Variants in ATP10A observed in about 807,000 individuals in gnomAD.
ATP10A encodes the protein ATPase phospholipid transporting 10A (putative), also known as phospholipid-transporting ATPase VA.
In ATP10A, 111 loss-of-function variants were observed where a neutral mutation model predicts 147.8. The ratio of observed to expected loss-of-function variants is 0.75; its 90% CI spans 0.64 to 0.88. The LOEUF (loss-of-function observed/expected upper bound fraction) is 0.88. Among genes scored for constraint, ATP10A ranks in the 40% least tolerant of loss-of-function variants. The probability of loss-of-function intolerance (pLI) is 0.00; values close to 1 mark genes in which losing one functional copy is unlikely to be tolerated. For missense variants in ATP10A, 1,927 were observed against 1,959.0 expected, an observed-to-expected ratio of 0.98 and a Z score of 0.31; for synonymous variants, 875 against 841.6, an observed-to-expected ratio of 1.04 and a Z score of -0.69.
chr15:25,771,194 C>T (rs1404088967), intron 2 of ATP10A, among the ~76,000 whole-genome samples: 2 of 152,054 alleles, frequency 1.3e-5, no homozygotes, highest in African/African-American at 4.8e-5. Flanking sequence ...CTGAGGTTAA[C>T]AGGGGTGCAG....
intron 1 of ATP10A, among the ~76,000 whole-genome samples, chr15:25,826,011 G>A (rs1892097598): frequency 6.6e-6 from 1 of 152,108 alleles, no homozygotes; most frequent in Admixed American, 6.5e-5. Context: ...ACAAATTCTG[G>A]AGTTGAAAAG....
At chr15:25,681,097 G>A in intron 17 of ATP10A, 23 bp from the exon 18 acceptor site, 8 of 1,605,820 alleles carry the variant, frequency 5.0e-6, no homozygotes, top group Non-Finnish European at 5.1e-6. Flanking sequence ...AACAATCAGT[G>A]ATGTTACAGT....
At chr15:25,675,986 G>A (rs951561575), downstream of ATP10A, among the ~76,000 whole-genome samples, 10 of 152,076 alleles carry the variant, frequency 6.6e-5, no homozygotes, top group African/African-American at 2.4e-4. Flanking sequence ...AGGGAGAGGA[G>A]GAGGGGAAAG....
intron 2 of ATP10A, 88 bp downstream of exon 2, chr15:25,780,931 A>G: frequency 7.2e-7 from 1 of 1,396,520 alleles, no homozygotes; most frequent in Non-Finnish European, 9.9e-7. Flanking sequence ...AGACAGGAAA[A>G]TGCAGGTGCT....
chr15:25,833,979 ACG>A (rs1411795716), intron 1 of ATP10A, among the ~76,000 whole-genome samples: 223 of 151,672 alleles, frequency 1.5e-3, no homozygotes, highest in African/African-American at 5.0e-3. Flanking sequence ...CTCAAAAAAA[ACG>A]AACAAACAAA....
At chr15:25,792,133 A>T (rs1289272190) in intron 1 of ATP10A, among the ~76,000 whole-genome samples, 1 of 152,126 alleles carries the variant, frequency 6.6e-6, no homozygotes, top group Non-Finnish European at 1.5e-5. Flanking sequence ...TTCCCACTGA[A>T]CCTACATACC....
intron 1 of ATP10A, among the ~76,000 whole-genome samples, chr15:25,796,867 T>A (rs1311821451): frequency 2.0e-5 from 3 of 152,256 alleles, no homozygotes; most frequent in Admixed American, 1.3e-4. Context: ...ATTTAAATTT[T>A]AATTGCCAAA....
intron 2 of ATP10A, among the ~76,000 whole-genome samples, chr15:25,745,472 A>C (rs1202897539): frequency 1.3e-5 from 2 of 152,246 alleles, no homozygotes; most frequent in East Asian, 3.9e-4. Flanking sequence ...CTGTAATCCA[A>C]GCACTTCGGG....
chr15:25,711,318 T>C (rs2140380703), intron 10 of ATP10A, among the ~76,000 whole-genome samples: 1 of 152,068 alleles, frequency 6.6e-6, no homozygotes, highest in Admixed American at 6.5e-5. Context: ...TACACACAGG[T>C]AGTAAGTTGA....
chr15:25,797,867 G>C (rs987453136), intron 1 of ATP10A, among the ~76,000 whole-genome samples: 1 of 152,146 alleles, frequency 6.6e-6, no homozygotes. Flanking sequence ...ACCCTGGGCT[G>C]GCTCCTCGTC....
chr15:25,832,811 G>T (rs1196827803), intron 1 of ATP10A, among the ~76,000 whole-genome samples: 1 of 152,090 alleles, frequency 6.6e-6, no homozygotes, highest in Non-Finnish European at 1.5e-5. Flanking sequence ...ATAGCTAGAA[G>T]AGAGGATTTT....
At chr15:25,857,537 A>G (rs1893571010) in intron 1 of ATP10A, among the ~76,000 whole-genome samples, 1 of 152,210 alleles carries the variant, frequency 6.6e-6, no homozygotes, top group African/African-American at 2.4e-5. Context: ...ATACTGACAC[A>G]TTTACAGGTG....
intron 1 of ATP10A, among the ~76,000 whole-genome samples, chr15:25,815,765 TATTTGTTAGCC>T (rs1200419110): frequency 6.6e-5 from 10 of 152,224 alleles, no homozygotes; most frequent in African/African-American, 2.4e-4. Context: ...AGACTGTTTC[TATTTGTTAGCC>T]ATTTTAGGAG....
In ATP10A at chr15:25,832,422, C is replaced by T. The variant is rs149096251; in HGVS notation, c.449+30226G>A. Among the ~76,000 whole-genome samples, 63 of 152,278 alleles carry T rather than the reference C, an allele frequency of 4.1e-4. 1 individual carries two copies. In the East Asian group the frequency reaches 0.012, roughly 29 times the overall value. ...CAAAGGCAGCTGCCTGTGAGTGTGC[C>T]GGGCAAGGCAAAGTCATCACAAAGA... is the stretch of plus-strand genomic sequence containing the variant. On this transcript the variant is annotated intron_variant, in intron 1 of 20. Coordinates refer to ENST00000555815, the MANE Select transcript of ATP10A (RefSeq NM_024490.4).
intron 7 of ATP10A, 85 bp from the exon 8 acceptor site, chr15:25,718,484 G>T (rs1038075320): frequency 7.1e-7 from 1 of 1,412,320 alleles, no homozygotes; most frequent in Non-Finnish European, 9.6e-7. Flanking sequence ...TTTAGGTTCC[G>T]CGAGGCTTCC....
rs544987423 is a variant in ATP10A at position 25,824,339 on chromosome 15, T to C, written c.449+38309A>G. On this transcript the variant is annotated intron_variant, in intron 1 of 20. Transcript: ENST00000555815. Reference sequence around the variant, plus strand: ...AAATACAAAGAAATGCTGGGTGTGATGGTGTACACTTGTGGTCCCAGCTTC... The same window carrying C: ...AAATACAAAGAAATGCTGGGTGTGACGGTGTACACTTGTGGTCCCAGCTTC... Among the ~76,000 whole-genome samples the C allele has an allele frequency of 2.0e-5, 3 of 151,850 alleles. No individual in the cohort carries two copies. In the South Asian group the frequency reaches 6.2e-4, roughly 32 times the overall value.
intron 10 of ATP10A, among the ~76,000 whole-genome samples, chr15:25,711,863 G>A (rs1041269536): frequency 6.6e-6 from 1 of 152,186 alleles, no homozygotes; most frequent in Non-Finnish European, 1.5e-5. Flanking sequence ...CCGACTGTGA[G>A]TTTGATTTTG....
At chr15:25,769,795 T>C (rs542026365) in intron 2 of ATP10A, among the ~76,000 whole-genome samples, 1 of 152,288 alleles carries the variant, frequency 6.6e-6, no homozygotes, top group East Asian at 1.9e-4. Context: ...GAATTCTACC[T>C]TCCCCAGATT....
rs145917838 is a variant in ATP10A at position 25,839,887 on chromosome 15, G to A, written c.449+22761C>T. On this transcript the variant is annotated intron_variant, in intron 1 of 20. Coordinates refer to ENST00000555815, the MANE Select transcript of ATP10A (RefSeq NM_024490.4). ...AATTGGCATTGGTACAGCCGACAAA[G>A]CTTATTCAGATTTCTCTAGCTTTAA... Among the ~76,000 whole-genome samples, 360 of 152,276 alleles carry A rather than the reference G, an allele frequency of 2.4e-3. 3 individuals are homozygous for A. The highest frequency in any genetic ancestry group is 8.2e-3 in the African/African-American group (341 of 41,572).
Sources: allele counts gnomAD v4.1 joint callset (sites outside exome capture counted in the v4.1 genomes callset), GRCh38; gene constraint gnomAD v4.1.1; transcripts MANE v1.5; gene names NCBI Gene and HGNC (gene_info 2026-07-23, HGNC 2026-07-21).